CDK11B: variants seen among roughly 807,000 people sequenced by gnomAD.
CDK11B encodes the protein cyclin-dependent kinase 11B.
In CDK11B, 37 loss-of-function variants were observed where a neutral mutation model predicts 84.0. The observed-to-expected ratio is 0.44, with a 90% CI of 0.34 to 0.58. The LOEUF is 0.58. Ranked by LOEUF, CDK11B falls within the 20% of genes least tolerant of loss-of-function variation. The pLI, the probability that CDK11B is intolerant of heterozygous loss-of-function variation, is 0.02. For synonymous variants in CDK11B, 269 were observed against 309.8 expected (o/e 0.87, Z 1.38); for missense variants, 427 against 834.0 (o/e 0.51, Z 6.01).
intron 11 of CDK11B, among the ~76,000 whole-genome samples, chr1:1,638,893 G>C (rs1639807406): frequency 6.6e-6 from 1 of 151,634 alleles, no homozygotes; most frequent in Non-Finnish European, 1.5e-5. Context: ...TTGAGCCCAG[G>C]AGTTCAAGAC....
chr1:1,648,199 CTCAT>C (rs1641421975), intron 5 of CDK11B, among the ~76,000 whole-genome samples: 1 of 152,122 alleles, frequency 6.6e-6, no homozygotes, highest in African/African-American at 2.4e-5. Context: ...ACAATTTTTG[CTCAT>C]TCACTCTCCT....
chr1:1,658,240 C>T (rs1163295614), intron 1 of CDK11B, among the ~76,000 whole-genome samples: 1 of 149,876 alleles, frequency 6.7e-6, no homozygotes, highest in African/African-American at 2.5e-5. Flanking sequence ...ATATACTCTG[C>T]AAGCTGAGAT....
chr1:1,637,205 G>A lies in CDK11B; in HGVS notation c.1571-3C>T, dbSNP rs367790919. 1.7e-5 allele frequency: 27 copies of A among 1,612,956 alleles called. No homozygotes were observed. In the African/African-American group the frequency reaches 3.5e-4, roughly 21 times the overall value. ...GATCATCAGGGTCTTCACCTCCCCT[G>A]GGAGGGAGGGAAGCTCCCATGTGGA... On this transcript the variant is annotated splice_polypyrimidine_tract_variant and splice_region_variant and intron_variant, in intron 14 of 19. Coordinates refer to ENST00000341832, the MANE Select transcript of CDK11B (RefSeq NM_033486.3).
At chr1:1,653,168 G>A (rs1298876548) in intron 3 of CDK11B, among the ~76,000 whole-genome samples, 1 of 151,930 alleles carries the variant, frequency 6.6e-6, no homozygotes, top group Non-Finnish European at 1.5e-5. Flanking sequence ...GGGATTACAG[G>A]CATGCGCCAC....
intron 2 of CDK11B, among the ~76,000 whole-genome samples, 196 bp from the exon 3 acceptor site, chr1:1,655,680 T>C (rs1642651104): frequency 6.6e-6 from 1 of 152,078 alleles, no homozygotes; most frequent in Non-Finnish European, 1.5e-5. Flanking sequence ...TCCCAGCACT[T>C]TGGGAGGCCC....
intron 4 of CDK11B, among the ~76,000 whole-genome samples, chr1:1,650,341 G>A (rs1484588337): frequency 1.4e-5 from 2 of 145,180 alleles, no homozygotes; most frequent in African/African-American, 2.6e-5. Flanking sequence ...TGATGTTAAC[G>A]TTAAGTAATC....
In CDK11B at chr1:1,638,937, A is replaced by AT. The variant is rs70937162; in HGVS notation, c.1252-348dup. On this transcript the variant is annotated intron_variant, in intron 11 of 19. Transcript: ENST00000341832. Reference sequence around the variant, plus strand: ...CCAACATAGCAACACTCTGTTTTCTATTTTTTTTTTTTTTTTTTTTTGAGA... The same window carrying AT: ...CCAACATAGCAACACTCTGTTTTCTATTTTTTTTTTTTTTTTTTTTTTGAGA... 8.4e-3 allele frequency among the ~76,000 whole-genome samples: 1,001 copies of AT among 119,392 alleles called. 16 individuals carry two copies. Among genetic ancestry groups the AT allele is most frequent in the South Asian group, 0.013 (51 of 3,812 alleles). The allele number at this position is 119,392 out of a possible 152,430, so 78.3% of individuals were successfully genotyped here. A position where few individuals can be genotyped will look rare whatever the true frequency, so the allele number is the denominator to read the frequency against.
At chr1:1,656,813 C>G (rs1370306478) in intron 2 of CDK11B, among the ~76,000 whole-genome samples, 1 of 152,158 alleles carries the variant, frequency 6.6e-6, no homozygotes, top group African/African-American at 2.4e-5. Context: ...AGAGTTGCTA[C>G]AAACCTTTAA....
At chr1:1,639,662 G>A (rs1283614281) in intron 11 of CDK11B, among the ~76,000 whole-genome samples, 1 of 151,886 alleles carries the variant, frequency 6.6e-6, no homozygotes, top group Admixed American at 6.6e-5. Flanking sequence ...GCATAGGGCA[G>A]TCGACAGAGG....
chr1:1,658,170 GAAAA>G (rs70937185), intron 1 of CDK11B, among the ~76,000 whole-genome samples: 1 of 146,196 alleles, frequency 6.8e-6, no homozygotes, highest in Non-Finnish European at 1.5e-5. Flanking sequence ...AAAAAAAAAA[GAAAA>G]AAAAACAAGA....
chr1:1,652,410 G>C (rs1431511524), intron 4 of CDK11B, 29 bp downstream of exon 4: 1 of 1,478,640 alleles, frequency 6.8e-7, no homozygotes, highest in African/African-American at 1.5e-5. Context: ...ACTTGAACAT[G>C]ATGTCAAAGA....
At position 1,652,173 on chromosome 1, in the gene CDK11B, T is replaced by A. The variant is rs1201070457; in HGVS notation, c.355+266A>T. Among the ~76,000 whole-genome samples the A allele has an allele frequency of 3.4e-5, 5 of 148,596 alleles. No homozygotes were observed. In the East Asian group the frequency reaches 1.0e-3, roughly 30 times the overall value. On this transcript the variant is annotated intron_variant, in intron 4 of 19. Coordinates refer to ENST00000341832, the MANE Select transcript of CDK11B (RefSeq NM_033486.3). ...GACACACGCACGCTTTCAGCTAGAG[T>A]TTGCTCTTTCTGGTTTTCGGTCTGT...
intron 17 of CDK11B, 31 bp downstream of exon 17, chr1:1,636,651 C>T (rs776028014): frequency 1.2e-6 from 2 of 1,613,296 alleles, no homozygotes; most frequent in South Asian, 2.2e-5. Flanking sequence ...TCCACAACCC[C>T]ACAGCGCACC....
intron 11 of CDK11B, among the ~76,000 whole-genome samples, chr1:1,639,325 G>T (rs946439008): frequency 1.3e-5 from 2 of 151,842 alleles, no homozygotes; most frequent in African/African-American, 4.8e-5. Flanking sequence ...GCTGAAATGG[G>T]AGGATTGTTT....
chr1:1,657,219 T>G, intron 2 of CDK11B, 156 bp downstream of exon 2: 1 of 1,613,974 alleles, frequency 6.2e-7, no homozygotes, highest in Non-Finnish European at 8.5e-7. Flanking sequence ...AATATTTGAA[T>G]GTTTTTGTTA....
chr1:1,656,233 T>C (rs1278734633), intron 2 of CDK11B, among the ~76,000 whole-genome samples: 1 of 152,206 alleles, frequency 6.6e-6, no homozygotes, highest in Non-Finnish European at 1.5e-5. Flanking sequence ...ACGCCTGTAA[T>C]CCCAGCACTT....
chr1:1,655,377 C>G lies in CDK11B; in HGVS notation c.219G>C (p.Met73Ile). The change falls in exon 3 of 20, where the codon ATG (methionine) becomes ATC (isoleucine). Residue 73 changes from methionine (M) to isoleucine (I), a missense_variant. Transcript: ENST00000341832. Reference protein sequence around the residue: ...RNSPYRREDSMEDRGEEDDSL... With the variant: ...RNSPYRREDSIEDRGEEDDSL... ...TCTGTACATCCGCTCACCTGTCTTC[C>G]ATAGAGTCTTCTCTTCTATACGGGG... 6.2e-7 allele frequency: 1 copy of G among 1,613,506 alleles called. No homozygotes were observed. Among genetic ancestry groups the G allele is most frequent in the South Asian group, 1.1e-5 (1 of 91,010 alleles).
chr1:1,638,937 A>ATTTT (rs70937162), intron 11 of CDK11B, among the ~76,000 whole-genome samples: 2 of 119,436 alleles, frequency 1.7e-5, no homozygotes, highest in Admixed American at 1.7e-4. Context: ...TCTGTTTTCT[A>ATTTT]TTTTTTTTTT....
chr1:1,657,902 T>TAA lies in CDK11B; in HGVS notation c.-13-406_-13-405dup, dbSNP rs768223103. ...CCTAGATAACAAAGTAAGACTTGGTTAAAAAAAAAAAAAAAAAAAAAAAAG... is the reference window on the plus strand; with the variant it reads ...CCTAGATAACAAAGTAAGACTTGGTTAAAAAAAAAAAAAAAAAAAAAAAAAAG... On this transcript the variant is annotated intron_variant, in intron 1 of 19. Coordinates refer to ENST00000341832, the MANE Select transcript of CDK11B (RefSeq NM_033486.3). Among the ~76,000 whole-genome samples the TAA allele has an allele frequency of 2.4e-4, 21 of 86,306 alleles. 1 individual carries two copies. Among genetic ancestry groups the TAA allele is most frequent in the Admixed American group, 7.7e-4 (6 of 7,746 alleles). 56.6% of individuals were successfully genotyped at this position (86,306 alleles called of 152,430 possible). A position where few individuals can be genotyped will look rare whatever the true frequency, so the allele number is the denominator to read the frequency against.
Sources: allele counts gnomAD v4.1 joint callset (sites outside exome capture counted in the v4.1 genomes callset), GRCh38; gene constraint gnomAD v4.1.1; transcripts MANE v1.5; gene names NCBI Gene and HGNC (gene_info 2026-07-23, HGNC 2026-07-21).